Variants in OTOA observed in about 807,000 individuals in gnomAD.
The protein encoded by OTOA is otoancorin, also known as cancer/testis antigen 108.
In OTOA, 70 loss-of-function variants were observed where a neutral mutation model predicts 110.8. The observed-to-expected ratio is 0.63, with a 90% CI of 0.52 to 0.77. The LOEUF is 0.77. Among genes scored for constraint, OTOA ranks in the 30% least tolerant of loss-of-function variants. OTOA has a pLI of 0.00. For missense variants in OTOA, 917 were observed against 1,075.8 expected (o/e 0.85, Z 2.06); for synonymous variants, 373 against 431.5 (o/e 0.86, Z 1.68).
rs1015757164 is a variant in OTOA at position 21,680,242 on chromosome 16, G to A, written c.179+1031G>A. On this transcript the variant is annotated intron_variant, in intron 5 of 28. Transcript: ENST00000646100. Reference sequence around the variant, plus strand: ...CTTTATAAGATTACAGGCCGGGCGCGGTGGCTCATGCCTATAATTCCAGGA... The same window carrying A: ...CTTTATAAGATTACAGGCCGGGCGCAGTGGCTCATGCCTATAATTCCAGGA... Among the ~76,000 whole-genome samples the A allele has an allele frequency of 1.5e-4, 23 of 151,134 alleles. 1 individual carries two copies. Among genetic ancestry groups the A allele is most frequent in the Admixed American group, 1.3e-3 (19 of 15,180 alleles).
chr16:21,725,588 GT>G, intron 18 of OTOA, among the ~76,000 whole-genome samples: 1 of 152,240 alleles, frequency 6.6e-6, no homozygotes, highest in Admixed American at 6.5e-5. Flanking sequence ...CTGGCCAGAA[GT>G]AAGAACAGAT....
chr16:21,753,848 G>T (rs1287345778), intron 27 of OTOA, among the ~76,000 whole-genome samples: 1 of 130,398 alleles, frequency 7.7e-6, no homozygotes, highest in East Asian at 2.1e-4. Flanking sequence ...ATCACCTGAG[G>T]TCAGGAGTCT....
chr16:21,707,004 C>T (rs567364041), intron 12 of OTOA, among the ~76,000 whole-genome samples: 9 of 152,000 alleles, frequency 5.9e-5, no homozygotes, highest in Admixed American at 2.0e-4. Flanking sequence ...GCTGGGACTA[C>T]AGGTGCATGC....
At chr16:21,729,335 C>T (rs1277396318) in intron 20 of OTOA, among the ~76,000 whole-genome samples, 1 of 152,118 alleles carries the variant, frequency 6.6e-6, no homozygotes, top group African/African-American at 2.4e-5. Context: ...CCATGCCTGA[C>T]CCTAGAGACT....
rs1381968619 is a variant in OTOA at position 21,736,345 on chromosome 16, G to T, written c.2386G>T (p.Val796Phe). The T allele has an allele frequency of 6.2e-7, 1 of 1,614,042 alleles. No homozygotes were observed. Among genetic ancestry groups the T allele is most frequent in the Non-Finnish European group, 8.5e-7 (1 of 1,180,036 alleles). Reference protein sequence around the residue: ...KEFLWAVFQSVRNSSDKIPSY... With the variant: ...KEFLWAVFQSFRNSSDKIPSY... The stretch of plus-strand genomic sequence containing the variant: ...ATTCCTCTGGGCTGTCTTTCAGTCT[G>T]TTCGGAACAGCAGTGATAAGATCCC... The change falls in exon 22 of 29, where the codon GTT (valine) becomes TTT (phenylalanine). Residue 796 changes from valine to phenylalanine, a missense_variant. Physicochemically the swap from Val to Phe is conservative, Grantham distance 50 (BLOSUM62 -1). Around this residue, in one of 6 missense-constraint regions of OTOA, gnomAD observed 57 missense variants for 59.7 expected, o/e 0.96. Transcript: ENST00000646100.
chr16:21,722,956 C>T lies in OTOA; in HGVS notation c.1858C>T (p.Pro620Ser). ...YWEVSRLSMP[P>S]FLLAALPARY... ...GGAAGTTTCCAGATTGTCTATGCCA[C>T]CTTTCCTCTTGGCTGCACTCCCGTA... Residue 620 changes from proline to serine, a missense_variant, in exon 18 of 29, where the codon CCT becomes TCT. Transcript: ENST00000646100. The T allele has an allele frequency of 2.5e-6, 4 of 1,614,154 alleles. No individual in the cohort carries two copies. The highest frequency in any genetic ancestry group is 1.7e-5 in the Admixed American group (1 of 60,018).
intron 6 of OTOA, among the ~76,000 whole-genome samples, 155 bp downstream of exon 6, chr16:21,681,980 T>C (rs938416736): frequency 3.9e-5 from 6 of 152,226 alleles, no homozygotes; most frequent in Non-Finnish European, 8.8e-5. Flanking sequence ...AAACATGATA[T>C]AAGCTATTTT....
Position 21,751,854 on chromosome 16 carries a change from G to A in OTOA, c.2776-81G>A. 8.6e-6 allele frequency: 2 copies of A among 232,494 alleles called. 1 individual carries two copies. The highest frequency in any genetic ancestry group is 2.0e-4 in the East Asian group (2 of 10,076). The allele number at this position is 232,494 out of a possible 1,614,324, so 14.4% of individuals were successfully genotyped here. On this transcript the variant is annotated intron_variant, in intron 24 of 28. Coordinates refer to ENST00000646100, the MANE Select transcript of OTOA (RefSeq NM_144672.4). ...ATGGGAGATCAGTCAGGAGACTACAGCAACAGCTTATTTATCCCCTCAGGC... is the reference window on the plus strand; with the variant it reads ...ATGGGAGATCAGTCAGGAGACTACAACAACAGCTTATTTATCCCCTCAGGC...
rs56065183 is a variant in OTOA, at chr16:21,736,235, C to T, written c.2302-26C>T. 0.41 allele frequency: 657,575 copies of T among 1,588,296 alleles called. 135,617 individuals are homozygous for T. The highest frequency in any genetic ancestry group is 0.43 in the Middle Eastern group (2,556 of 6,012). ...ATTTAAGGGGTTTTAATTATTATTC[C>T]TCTTCTTTCATCTTCTTTCACACAG... On this transcript the variant is annotated intron_variant, in intron 21 of 28. Coordinates refer to ENST00000646100, the MANE Select transcript of OTOA (RefSeq NM_144672.4).
At chr16:21,677,665 T>A (rs911027378) in intron 1 of OTOA, among the ~76,000 whole-genome samples, 1 of 150,336 alleles carries the variant, frequency 6.7e-6, no homozygotes, top group Non-Finnish European at 1.5e-5. Flanking sequence ...TGTATTTTTA[T>A]TAGAGACGGG....
chr16:21,750,412 CA>C (rs761415597), intron 24 of OTOA, among the ~76,000 whole-genome samples: 1,074 of 36,384 alleles, frequency 0.03, 26 homozygotes, highest in Middle Eastern at 0.095. Context: ...GACCTTGTCT[CA>C]AAAAAAAAAA....
rs554633157 is a variant in OTOA, at chr16:21,722,846, G to A, written c.1807-59G>A. ...TAGAATAGTACCTGGCACATGGAAAGCACTGTGTTTGTTCTTCTTCTTACT... is the reference window on the plus strand; with the variant it reads ...TAGAATAGTACCTGGCACATGGAAAACACTGTGTTTGTTCTTCTTCTTACT... On this transcript the variant is annotated intron_variant, in intron 17 of 28. Coordinates refer to ENST00000646100, the MANE Select transcript of OTOA (RefSeq NM_144672.4). 3.1e-3 allele frequency: 4,480 copies of A among 1,459,310 alleles called. 53 individuals are homozygous for A. In the Middle Eastern group the frequency reaches 0.032, roughly 11 times the overall value. The allele number at this position is 1,459,310 out of a possible 1,614,324, so 90.4% of individuals were successfully genotyped here. A position where few individuals can be genotyped will look rare whatever the true frequency, so the allele number is the denominator to read the frequency against.
intron 6 of OTOA, among the ~76,000 whole-genome samples, chr16:21,682,608 T>C (rs1966914626): frequency 6.6e-6 from 1 of 152,224 alleles, no homozygotes; most frequent in African/African-American, 2.4e-5. Flanking sequence ...TGCGGTGAAC[T>C]GCACAGCACC....
In OTOA at chr16:21,673,945, C is replaced by T. The variant is rs185541221; in HGVS notation, c.-4-4566C>T. On this transcript the variant is annotated intron_variant, in intron 1 of 28. Coordinates refer to ENST00000646100, the MANE Select transcript of OTOA (RefSeq NM_144672.4). ...CCCAAGTAGCTGGGACTACAGGCGC[C>T]CACCACCACGCCTAGCTAATTTTTT... 4.1e-4 allele frequency among the ~76,000 whole-genome samples: 62 copies of T among 151,776 alleles called. No individual in the cohort carries two copies. The Middle Eastern group carries it at 0.01, about 25-fold the overall frequency.
chr16:21,696,588 TAGAC>T (rs1897945569), intron 9 of OTOA, among the ~76,000 whole-genome samples: 1 of 151,878 alleles, frequency 6.6e-6, no homozygotes, highest in Non-Finnish European at 1.5e-5. Context: ...TTATTATTAT[TAGAC>T]AGAGTCTCGC....
chr16:21,692,782 G>T (rs1897856968), intron 9 of OTOA, among the ~76,000 whole-genome samples: 1 of 150,330 alleles, frequency 6.7e-6, no homozygotes, highest in African/African-American at 2.5e-5. Context: ...CAAAAAATTA[G>T]CCTGGCGTGG....
intron 1 of OTOA, among the ~76,000 whole-genome samples, chr16:21,674,750 T>G (rs1966853922): frequency 6.6e-6 from 1 of 151,950 alleles, no homozygotes; most frequent in African/African-American, 2.4e-5. Context: ...ATGTGTTTAT[T>G]TGCTATCTGT....
In OTOA at chr16:21,721,527, T is replaced by G. The variant is rs778412659; in HGVS notation, c.1807-1378T>G. ...GTCGAAAATGTCAATAATACTGAGG[T>G]GAGCAACTGTGTTTCAGAGGTAACT... On this transcript the variant is annotated intron_variant, in intron 17 of 28. Coordinates refer to ENST00000646100, the MANE Select transcript of OTOA (RefSeq NM_144672.4). 6.6e-6 allele frequency: 3 copies of G among 454,884 alleles called. 1 individual carries two copies. The highest frequency in any genetic ancestry group is 4.7e-5 in the South Asian group (3 of 64,512). The allele number at this position is 454,884 out of a possible 1,614,324, so 28.2% of individuals were successfully genotyped here.
chr16:21,720,259 G>T (rs949971308), intron 17 of OTOA, among the ~76,000 whole-genome samples: 1 of 152,154 alleles, frequency 6.6e-6, no homozygotes, highest in Non-Finnish European at 1.5e-5. Context: ...CCCAGCCAGT[G>T]ACTGATTTTT....
Sources: gnomAD v4.1 joint callset for allele counts (sites outside exome capture counted in the v4.1 genomes callset) on GRCh38, gnomAD v4.1.1 for gene constraint, gnomAD v4.1.1 regional missense constraint, MANE v1.5 for transcripts, NCBI Gene and HGNC (gene_info 2026-07-23, HGNC 2026-07-21) for gene names.